PDCD6: variants seen among roughly 807,000 people sequenced by gnomAD.
PDCD6 encodes the protein programmed cell death 6, also known as programmed cell death protein 6.
PDCD6 carries 12 observed loss-of-function variants against 28.3 expected under a neutral mutation model. That is an observed-to-expected ratio of 0.42 (90% confidence interval 0.27 to 0.69). The LOEUF is 0.69. Ranked by LOEUF, PDCD6 falls within the 30% of genes least tolerant of loss-of-function variation. The probability of loss-of-function intolerance (pLI) is 0.22; values close to 1 mark genes in which losing one functional copy is unlikely to be tolerated. For synonymous variants in PDCD6, 92 were observed against 108.0 expected, an observed-to-expected ratio of 0.85 and a Z score of 0.92; for missense variants, 226 against 269.9, an observed-to-expected ratio of 0.84 and a Z score of 1.14.
In PDCD6 at chr5:311,239, C is replaced by T. The variant is rs1431214483; in HGVS notation, c.368-54C>T. 5.2e-6 allele frequency: 7 copies of T among 1,357,496 alleles called. No individual in the cohort carries two copies. The African/African-American group carries it at 1.0e-4, about 19-fold the overall frequency. 84.1% of individuals were successfully genotyped at this position (1,357,496 alleles called of 1,614,324 possible). A position where few individuals can be genotyped will look rare whatever the true frequency, so the allele number is the denominator to read the frequency against. ...CTTGGGCAGGAGGGGTGAGTGTTGG[C>T]ACATACCTCCCGTCTCTCCCAGCCT... On this transcript the variant is annotated intron_variant, in intron 4 of 5. Coordinates refer to ENST00000264933, the MANE Select transcript of PDCD6 (RefSeq NM_013232.4).
intron 2 of PDCD6, among the ~76,000 whole-genome samples, chr5:279,110 C>T (rs1214080835): frequency 1.3e-5 from 2 of 152,142 alleles, no homozygotes; most frequent in Non-Finnish European, 2.9e-5. Flanking sequence ...CTCAGGCAAA[C>T]CCGCTGGTGA....
rs374769926 is a variant in PDCD6 at position 275,887 on chromosome 5, C to T, written c.163+3115C>T. The T allele has an allele frequency of 2.1e-5, 11 of 514,700 alleles. No individual in the cohort carries two copies. In the East Asian group the frequency reaches 5.8e-4, roughly 27 times the overall value. 31.9% of individuals were successfully genotyped at this position (514,700 alleles called of 1,614,324 possible). ...CATTCACCGTGGCCCTGTGTTTTTC[C>T]ACCACACCTCTGCCTGGTGGCATCC... On this transcript the variant is annotated intron_variant, in intron 2 of 5. Coordinates refer to ENST00000264933, the MANE Select transcript of PDCD6 (RefSeq NM_013232.4).
At chr5:309,489 C>T (rs1023136757) in intron 4 of PDCD6, 3 of 203,394 alleles carry the variant, frequency 1.5e-5, no homozygotes, top group African/African-American at 4.8e-5. Context: ...GTTGTCTGTG[C>T]AGACTGGAGT....
chr5:282,833 G>A (rs1738672514), intron 2 of PDCD6, among the ~76,000 whole-genome samples: 1 of 152,122 alleles, frequency 6.6e-6, no homozygotes, highest in Non-Finnish European at 1.5e-5. Flanking sequence ...TCTTGCAGCT[G>A]CAGACGTGGA....
chr5:292,827 C>T (rs1739391791), intron 2 of PDCD6, among the ~76,000 whole-genome samples: 2 of 152,146 alleles, frequency 1.3e-5, no homozygotes, highest in Admixed American at 1.3e-4. Flanking sequence ...ATGGGATCTC[C>T]CTTATGCATT....
chr5:306,912 C>T, intron 4 of PDCD6, 152 bp downstream of exon 4: 3 of 754,988 alleles, frequency 4.0e-6, no homozygotes, highest in Admixed American at 4.3e-5. Flanking sequence ...TGATATTGCT[C>T]ATGTCGGAAG....
At chr5:309,501 C>A in intron 4 of PDCD6, 1 of 212,612 alleles carries the variant, frequency 4.7e-6, no homozygotes, top group Non-Finnish European at 9.5e-6. Context: ...GACTGGAGTT[C>A]CTCTGCCTCT....
In PDCD6 at chr5:271,694, C is replaced by T. The variant is rs1737803249; in HGVS notation, c.-27C>T. The T allele has an allele frequency of 1.4e-6, 2 of 1,399,182 alleles. No homozygotes were observed. The highest frequency in any genetic ancestry group is 2.0e-6 in the Non-Finnish European group (2 of 1,021,376). 86.7% of individuals were successfully genotyped at this position (1,399,182 alleles called of 1,614,324 possible). On this transcript the variant is annotated 5_prime_UTR_variant, in exon 1 of 6. Transcript: ENST00000264933. ...GAGAGGTCTCTCGTCGCTGCAGGCG[C>T]CTCAGCCCAGCCGCGTGCCTTGGCC...
At chr5:306,184 C>G (rs1408418334) in intron 3 of PDCD6, 4 of 215,780 alleles carry the variant, frequency 1.9e-5, no homozygotes, top group Non-Finnish European at 3.9e-5. Flanking sequence ...AGGGTCAGCT[C>G]TGGGAATTAG....
rs377302472 is a variant in PDCD6 at position 272,570 on chromosome 5, G to A, written c.102-141G>A. On this transcript the variant is annotated intron_variant, in intron 1 of 5. Coordinates refer to ENST00000264933, the MANE Select transcript of PDCD6 (RefSeq NM_013232.4). ...GCTCCTGGGGCACTTCCTTGATTCCGCTGTACTCCTCAGCGGGACGGGAGA... is the reference window on the plus strand; with the variant it reads ...GCTCCTGGGGCACTTCCTTGATTCCACTGTACTCCTCAGCGGGACGGGAGA... 4.1e-5 allele frequency: 34 copies of A among 833,696 alleles called. No individual in the cohort carries two copies. The East Asian group carries it at 6.0e-4, about 15-fold the overall frequency. 51.6% of individuals were successfully genotyped at this position (833,696 alleles called of 1,614,324 possible).
chr5:289,223 G>A, intron 2 of PDCD6: 1 of 636,976 alleles, frequency 1.6e-6, no homozygotes, highest in Admixed American at 3.3e-5. Flanking sequence ...TAAGTTTCAT[G>A]AATTCTGATG....
intron 2 of PDCD6, among the ~76,000 whole-genome samples, chr5:299,750 C>T (rs13354531): frequency 0.021 from 3,247 of 152,252 alleles, 121 homozygotes; most frequent in African/African-American, 0.074. Context: ...GGGGTTTCAC[C>T]ATATTAGCCA....
At chr5:278,157 A>C (rs1050719981) in intron 2 of PDCD6, among the ~76,000 whole-genome samples, 3 of 152,234 alleles carry the variant, frequency 2.0e-5, no homozygotes, top group African/African-American at 7.2e-5. Flanking sequence ...AGACAGGCTA[A>C]AGGTCTTTGG....
chr5:283,889 CTGA>C (rs2126703862), intron 2 of PDCD6, among the ~76,000 whole-genome samples: 1 of 151,714 alleles, frequency 6.6e-6, no homozygotes, highest in Non-Finnish European at 1.5e-5. Context: ...CGGGGAGGAG[CTGA>C]TGTTCTAGTT....
At chr5:294,200 T>C (rs1017015064) in intron 2 of PDCD6, among the ~76,000 whole-genome samples, 7 of 151,618 alleles carry the variant, frequency 4.6e-5, no homozygotes, top group African/African-American at 1.7e-4. Flanking sequence ...ACAAATTAAA[T>C]TGTCATAAAT....
chr5:272,800 C>T, intron 2 of PDCD6, 28 bp downstream of exon 2: 1 of 1,557,700 alleles, frequency 6.4e-7, no homozygotes, highest in Admixed American at 1.8e-5. Context: ...AACTGGGTCT[C>T]CGGACCAAGA....
At chr5:292,908 G>C (rs543606797) in intron 2 of PDCD6, among the ~76,000 whole-genome samples, 1 of 152,328 alleles carries the variant, frequency 6.6e-6, no homozygotes, top group South Asian at 2.1e-4. Context: ...GAGGCCCTTG[G>C]TTGAGGGTTT....
At position 306,386 on chromosome 5, in the gene PDCD6, G is replaced by A. The variant is rs1365704065; in HGVS notation, c.209-216G>A. ...TTCTCCTGGGACTTAGGGGGTCAGG[G>A]CTGGGGGACAATCCCCCACACCCCC... is the stretch of plus-strand genomic sequence containing the variant. On this transcript the variant is annotated intron_variant, in intron 3 of 5. Transcript: ENST00000264933. 1.6e-5 allele frequency: 9 copies of A among 548,432 alleles called. No individual in the cohort carries two copies. In the East Asian group the frequency reaches 2.4e-4, roughly 15 times the overall value. 34.0% of individuals were successfully genotyped at this position (548,432 alleles called of 1,614,324 possible).
At chr5:278,261 C>A (rs1034954904) in intron 2 of PDCD6, among the ~76,000 whole-genome samples, 51 of 152,126 alleles carry the variant, frequency 3.4e-4, no homozygotes, top group African/African-American at 1.2e-3. Flanking sequence ...ATTTAGAACA[C>A]ACCATTCATG....
Sources: allele counts gnomAD v4.1 joint callset (sites outside exome capture counted in the v4.1 genomes callset), GRCh38; gene constraint gnomAD v4.1.1; transcripts MANE v1.5; gene names NCBI Gene and HGNC (gene_info 2026-07-23, HGNC 2026-07-21).